Variants in CTNNA2 observed in about 807,000 individuals in gnomAD.
CTNNA2 encodes catenin alpha 2, also known as catenin alpha-2.
CTNNA2 carries 42 observed loss-of-function variants against 101.0 expected under a neutral mutation model. The observed-to-expected ratio is 0.42, with a 90% confidence interval of 0.32 to 0.54. CTNNA2 has a LOEUF of 0.54. Among genes scored for constraint, CTNNA2 ranks in the 20% least tolerant of loss-of-function variants. The pLI is 0.14. For synonymous variants in CTNNA2, 450 were observed against 456.4 expected (o/e 0.99, Z 0.18); for missense variants, 871 against 1,223.1 (o/e 0.71, Z 4.29).
At chr2:80,100,626 C>G (rs561887586) in intron 7 of CTNNA2, among the ~76,000 whole-genome samples, 15 of 152,320 alleles carry the variant, frequency 9.8e-5, no homozygotes, top group African/African-American at 3.6e-4. Context: ...CAGGTCTTCT[C>G]TCTCCAACAG....
intron 8 of CTNNA2, among the ~76,000 whole-genome samples, chr2:80,411,076 G>T (rs1272430799): frequency 6.6e-6 from 1 of 152,188 alleles, no homozygotes; most frequent in Non-Finnish European, 1.5e-5. Context: ...CGTGGAAAAT[G>T]GATACCAGTC....
intron 7 of CTNNA2, chr2:80,162,877 T>C: frequency 4.4e-6 from 7 of 1,593,212 alleles, no homozygotes; most frequent in East Asian, 2.2e-5. Context: ...GATGAAGTCA[T>C]GTTATCCCTA....
intron 4 of CTNNA2, among the ~76,000 whole-genome samples, chr2:79,440,462 T>C (rs1678765392): frequency 6.6e-6 from 1 of 152,170 alleles, no homozygotes; most frequent in Admixed American, 6.5e-5. Context: ...TTTTTAATGT[T>C]AAGTACACTA....
chr2:79,589,486 A>G (rs1168370228), intron 1 of CTNNA2, among the ~76,000 whole-genome samples: 3 of 152,086 alleles, frequency 2.0e-5, no homozygotes, highest in African/African-American at 7.2e-5. Flanking sequence ...TTAAAAATTC[A>G]TTAGCCTCCA....
At chr2:79,361,162 T>C (rs1677619668) in intron 3 of CTNNA2, among the ~76,000 whole-genome samples, 1 of 152,212 alleles carries the variant, frequency 6.6e-6, no homozygotes, top group Non-Finnish European at 1.5e-5. Flanking sequence ...AGATCTGCAG[T>C]AGAATGACTA....
chr2:79,212,137 A>C (rs1437806313), intron 2 of CTNNA2, among the ~76,000 whole-genome samples: 1 of 152,206 alleles, frequency 6.6e-6, no homozygotes, highest in African/African-American at 2.4e-5. Context: ...TTATTTATTT[A>C]CTTTAAGAGT....
intron 7 of CTNNA2, among the ~76,000 whole-genome samples, chr2:79,963,740 C>A (rs1411242882): frequency 1.3e-5 from 2 of 152,194 alleles, no homozygotes; most frequent in African/African-American, 4.8e-5. Flanking sequence ...CACAAAATGT[C>A]CGTTTCCCTT....
At chr2:79,729,355 C>T (rs963776991) in intron 2 of CTNNA2, among the ~76,000 whole-genome samples, 2 of 152,064 alleles carry the variant, frequency 1.3e-5, no homozygotes, top group Non-Finnish European at 2.9e-5. Flanking sequence ...TTATTGTCTT[C>T]ACTTTTCAGA....
intron 7 of CTNNA2, among the ~76,000 whole-genome samples, chr2:80,233,317 G>A (rs1428109774): frequency 1.3e-5 from 2 of 151,888 alleles, no homozygotes; most frequent in Non-Finnish European, 2.9e-5. Flanking sequence ...CAATCCCACC[G>A]AAAAAGAGCA....
rs1491134322 is a variant in CTNNA2, at chr2:80,542,877, TTC to T, written c.1291-2104_1291-2103del. Among the ~76,000 whole-genome samples the T allele has an allele frequency of 4.4e-3, 479 of 109,412 alleles. 8 individuals carry two copies. Among genetic ancestry groups the T allele is most frequent in the East Asian group, 0.041 (181 of 4,412 alleles). The allele number at this position is 109,412 out of a possible 152,430, so 71.8% of individuals were successfully genotyped here. A position where few individuals can be genotyped will look rare whatever the true frequency, so the allele number is the denominator to read the frequency against. ...GAAGATTCTCCACTATCCTGATTTT[TTC>T]CCCCCCCCACATGCCACTTTGGACA... On this transcript the variant is annotated intron_variant, in intron 9 of 18. Transcript: ENST00000402739.
intron 6 of CTNNA2, among the ~76,000 whole-genome samples, chr2:79,904,670 A>T (rs1408543757): frequency 1.3e-5 from 2 of 152,170 alleles, no homozygotes; most frequent in Non-Finnish European, 1.5e-5. Context: ...GAAGATAGGG[A>T]TCTCAAAGAC....
chr2:79,863,690 AG>A (rs1299015982), intron 4 of CTNNA2, among the ~76,000 whole-genome samples: 2 of 152,222 alleles, frequency 1.3e-5, no homozygotes, highest in African/African-American at 4.8e-5. Flanking sequence ...GGCAGATATG[AG>A]GAGAAGCTGC....
At position 79,583,949 on chromosome 2, in the gene CTNNA2, C is replaced by G. The variant is rs925880842; in HGVS notation, c.-5-67603C>G. Among the ~76,000 whole-genome samples, 4 of 152,072 alleles carry G rather than the reference C, an allele frequency of 2.6e-5. No individual in the cohort carries two copies. The South Asian group carries it at 6.2e-4, about 24-fold the overall frequency. ...TTTGAGCATTCATTATTCCCATAAA[C>G]TGGAAATACGCTTGTAACACTTGGT... On this transcript the variant is annotated intron_variant, in intron 1 of 18. Coordinates refer to ENST00000402739, the MANE Select transcript of CTNNA2 (RefSeq NM_001282597.3).
chr2:79,554,834 G>A (rs1411591238), intron 1 of CTNNA2, among the ~76,000 whole-genome samples: 1 of 152,048 alleles, frequency 6.6e-6, no homozygotes, highest in African/African-American at 2.4e-5. Context: ...TCTTATGTTT[G>A]TTTTCTTTCT....
chr2:80,300,015 G>A (rs1676100041), intron 7 of CTNNA2, among the ~76,000 whole-genome samples: 1 of 152,070 alleles, frequency 6.6e-6, no homozygotes, highest in African/African-American at 2.4e-5. Flanking sequence ...CTTTAGTAGG[G>A]TTTTAGGTAA....
At chr2:80,505,500 C>T (rs1688203455) in intron 9 of CTNNA2, among the ~76,000 whole-genome samples, 1 of 152,216 alleles carries the variant, frequency 6.6e-6, no homozygotes, top group Admixed American at 6.5e-5. Flanking sequence ...TGAGATCATG[C>T]ATATCAACAA....
chr2:79,216,739 A>G (rs11681042), intron 2 of CTNNA2, among the ~76,000 whole-genome samples: 116,697 of 143,108 alleles, frequency 0.82, 47,924 homozygotes, highest in East Asian at 0.98. Context: ...CGGTACTTGC[A>G]GCTAAGGGTG....
At chr2:80,571,430 A>C (rs1339645391) in intron 12 of CTNNA2, among the ~76,000 whole-genome samples, 1 of 152,184 alleles carries the variant, frequency 6.6e-6, no homozygotes, top group Non-Finnish European at 1.5e-5. Context: ...CTTTTTAAAC[A>C]TGTGAATTAT....
intron 7 of CTNNA2, among the ~76,000 whole-genome samples, chr2:80,270,432 C>G (rs1673375563): frequency 6.6e-6 from 1 of 152,168 alleles, no homozygotes; most frequent in South Asian, 2.1e-4. Flanking sequence ...TGCTCTTACT[C>G]AGCAGGGAAC....
Sources: allele counts gnomAD v4.1 joint callset (sites outside exome capture counted in the v4.1 genomes callset), GRCh38; gene constraint gnomAD v4.1.1; transcripts MANE v1.5; gene names NCBI Gene and HGNC (gene_info 2026-07-23, HGNC 2026-07-21).